ALMS1: variants seen among roughly 807,000 people sequenced by gnomAD.
The protein encoded by ALMS1 is centrosome-associated protein ALMS1.
ALMS1 carries 271 observed loss-of-function variants against 352.2 expected under a neutral mutation model. The observed-to-expected ratio is 0.77, with a 90% CI of 0.70 to 0.85. ALMS1 has a LOEUF of 0.85. Among genes scored for constraint, ALMS1 ranks in the 40% least tolerant of loss-of-function variants. ALMS1 has a pLI of 0.00. For missense variants in ALMS1, 5,445 were observed against 4,870.7 expected (o/e 1.12, Z -3.51); for synonymous variants, 1,865 against 1,761.2 (o/e 1.06, Z -1.48).
intron 11 of ALMS1, among the ~76,000 whole-genome samples, chr2:73,520,447 A>T (rs72811937): frequency 0.011 from 1,653 of 152,348 alleles, 17 homozygotes; most frequent in Non-Finnish European, 0.019. Context: ...TAAACATGTG[A>T]TAGTGCAAAC....
chr2:73,385,985 C>T lies in ALMS1; in HGVS notation c.117C>T (p.Asp39=), dbSNP rs2104058310. The part of the protein sequence containing the change: ...AAAAAAANVD[D]VVVVEEVEEE... The stretch of plus-strand genomic sequence containing the variant: ...CGGCGGCGGCGGCGAACGTGGACGA[C>T]GTAGTGGTCGTGGAGGAGGTGGAGG... Residue 39 remains aspartate, a synonymous_variant, in exon 1 of 23, where the codon GAC becomes GAT. Coordinates refer to ENST00000613296, the MANE Select transcript of ALMS1 (RefSeq NM_001378454.1). 6.5e-7 allele frequency: 1 copy of T among 1,548,204 alleles called. No individual in the cohort carries two copies. Among genetic ancestry groups the T allele is most frequent in the East Asian group, 2.4e-5 (1 of 40,834 alleles).
chr2:73,534,824 G>C lies in ALMS1; in HGVS notation c.9782G>C (p.Gly3261Ala). Residue 3261 changes from glycine (G) to alanine (A), a missense_variant and splice_region_variant, in exon 12 of 23, where the codon GGC (glycine) becomes GCC (alanine). Coordinates refer to ENST00000613296, the MANE Select transcript of ALMS1 (RefSeq NM_001378454.1). ...QQVTFSRGTD[G>A]QPLLLPYKPS... Reference sequence around the variant, plus strand: ...ATTGTTCTGATTTTTACCTCCTTAGGCCAGCCTTTATTATTGCCATATAAG... The same window carrying C: ...ATTGTTCTGATTTTTACCTCCTTAGCCCAGCCTTTATTATTGCCATATAAG... 6.2e-7 allele frequency: 1 copy of C among 1,613,080 alleles called. No individual in the cohort carries two copies. Among genetic ancestry groups the C allele is most frequent in the African/African-American group, 1.3e-5 (1 of 74,940 alleles).
intron 9 of ALMS1, among the ~76,000 whole-genome samples, chr2:73,475,776 T>G (rs1672568781): frequency 6.6e-6 from 1 of 152,112 alleles, no homozygotes; most frequent in Admixed American, 6.6e-5. Context: ...ATCTAAGAAA[T>G]CAGTGCATAA....
At chr2:73,560,725 A>G (rs899233872) in intron 15 of ALMS1, among the ~76,000 whole-genome samples, 6 of 152,246 alleles carry the variant, frequency 3.9e-5, no homozygotes. Flanking sequence ...ACATATTTGT[A>G]TTGTGCAGCC....
chr2:73,401,791 C>T (rs1338549841), intron 1 of ALMS1, among the ~76,000 whole-genome samples: 1 of 151,998 alleles, frequency 6.6e-6, no homozygotes, highest in East Asian at 1.9e-4. Flanking sequence ...GCTAAACTTG[C>T]TGATCCATCA....
chr2:73,397,279 G>A (rs1670783008), intron 1 of ALMS1, among the ~76,000 whole-genome samples: 1 of 152,104 alleles, frequency 6.6e-6, no homozygotes, highest in Non-Finnish European at 1.5e-5. Flanking sequence ...CTGGTAAGTT[G>A]TGATTCTCTG....
chr2:73,573,052 A>T lies in ALMS1; in HGVS notation c.11175A>T (p.Pro3725=). The change falls in exon 16 of 23, where the codon CCA becomes CCT. Residue 3725 remains proline (P), a synonymous_variant. Coordinates refer to ENST00000613296, the MANE Select transcript of ALMS1 (RefSeq NM_001378454.1). Reference sequence around the variant, plus strand: ...ATAAATATATTCTGAGTAAACAGCCAGGTTTTAATTATATAAGCAACACTT... The same window carrying T: ...ATAAATATATTCTGAGTAAACAGCCTGGTTTTAATTATATAAGCAACACTT... ...KFDKYILSKQ[P]GFNYISNTSS... The T allele has an allele frequency of 6.2e-7, 1 of 1,614,120 alleles. No individual in the cohort carries two copies. The highest frequency in any genetic ancestry group is 2.2e-5 in the East Asian group (1 of 44,876).
At chr2:73,411,667 T>C (rs1671080253) in intron 2 of ALMS1, among the ~76,000 whole-genome samples, 1 of 152,230 alleles carries the variant, frequency 6.6e-6, no homozygotes, top group South Asian at 2.1e-4. Flanking sequence ...TCTTATTCTT[T>C]CGTCGTTCAT....
Position 73,453,765 on chromosome 2 carries a change from G to A in ALMS1, c.7238G>A (p.Ser2413Asn). Residue 2413 changes from serine to asparagine, a missense_variant, in exon 8 of 23, where the codon AGT (serine) becomes AAT (asparagine). Transcript: ENST00000613296. The stretch of plus-strand genomic sequence containing the variant: ...ATCCCTATGATGACTGTCATAAAAA[G>A]TGATTCAAGTAGTGATGCCAGTGAT... The part of the protein sequence containing the change: ...IIIPMMTVIK[S>N]DSSSDASDGN... 6.2e-7 allele frequency: 1 copy of A among 1,614,114 alleles called. No individual in the cohort carries two copies. Among genetic ancestry groups the A allele is most frequent in the Non-Finnish European group, 8.5e-7 (1 of 1,180,004 alleles).
At chr2:73,428,209 C>A (rs1403224251) in intron 6 of ALMS1, among the ~76,000 whole-genome samples, 1 of 152,150 alleles carries the variant, frequency 6.6e-6, no homozygotes, top group Non-Finnish European at 1.5e-5. Context: ...TGTCCTCTGT[C>A]AATCCTATCA....
intron 13 of ALMS1, among the ~76,000 whole-genome samples, chr2:73,551,425 CTTTTTTTTTTTTTTTTTT>C: frequency 2.7e-5 from 2 of 73,700 alleles, no homozygotes; most frequent in African/African-American, 1.3e-4. Flanking sequence ...GAGTTTCAAT[CTTTTTTTTTTTTTTTTTT>C]TTTTTTTTTT....
chr2:73,543,846 AT>A (rs1354888686), intron 12 of ALMS1, among the ~76,000 whole-genome samples: 2 of 152,256 alleles, frequency 1.3e-5, no homozygotes, highest in Non-Finnish European at 2.9e-5. Context: ...AATGGCGATC[AT>A]TAAAAAGTCA....
chr2:73,446,479 A>T (rs1436200269), intron 7 of ALMS1, among the ~76,000 whole-genome samples: 1 of 152,148 alleles, frequency 6.6e-6, no homozygotes, highest in Non-Finnish European at 1.5e-5. Context: ...TTTGTAACTC[A>T]TATTCCTTCT....
At chr2:73,421,197 A>G (rs1284585189) in intron 3 of ALMS1, among the ~76,000 whole-genome samples, 1 of 152,184 alleles carries the variant, frequency 6.6e-6, no homozygotes, top group Non-Finnish European at 1.5e-5. Flanking sequence ...CTTACTTGTT[A>G]CTTACTATTC....
At chr2:73,537,592 A>C (rs776431495) in intron 12 of ALMS1, among the ~76,000 whole-genome samples, 4 of 152,238 alleles carry the variant, frequency 2.6e-5, no homozygotes, top group Non-Finnish European at 4.4e-5. Flanking sequence ...GTGGCCATAT[A>C]TAAAAAGAAT....
At chr2:73,537,816 G>A (rs1025975618) in intron 12 of ALMS1, among the ~76,000 whole-genome samples, 1 of 152,050 alleles carries the variant, frequency 6.6e-6, no homozygotes, top group Admixed American at 6.6e-5. Flanking sequence ...AGATCAGCCT[G>A]GGCAATGTAG....
chr2:73,420,516 ATAACT>A (rs1558637623), intron 3 of ALMS1, among the ~76,000 whole-genome samples: 1 of 152,206 alleles, frequency 6.6e-6, no homozygotes, highest in Non-Finnish European at 1.5e-5. Context: ...AAATGGATAC[ATAACT>A]TAAAGGGAAG....
chr2:73,524,232 C>G (rs953641013), intron 11 of ALMS1, among the ~76,000 whole-genome samples: 2 of 152,120 alleles, frequency 1.3e-5, no homozygotes, highest in Non-Finnish European at 2.9e-5. Flanking sequence ...TCTAATGGAA[C>G]TGTTCTTTTG....
intron 9 of ALMS1, among the ~76,000 whole-genome samples, chr2:73,469,056 A>G (rs1403891009): frequency 1.3e-5 from 2 of 152,052 alleles, no homozygotes; most frequent in Non-Finnish European, 2.9e-5. Flanking sequence ...ACTGTACCCA[A>G]TGATTTACTG....
Sources: allele counts gnomAD v4.1 joint callset (sites outside exome capture counted in the v4.1 genomes callset), GRCh38; gene constraint gnomAD v4.1.1; transcripts MANE v1.5; gene names NCBI Gene and HGNC (gene_info 2026-07-23, HGNC 2026-07-21).